Variants in PRRC2A observed in about 807,000 individuals in gnomAD.
PRRC2A encodes the protein protein PRRC2A.
In PRRC2A, 59 loss-of-function variants were observed where a neutral mutation model predicts 224.6. The observed-to-expected ratio is 0.26, with a 90% CI of 0.21 to 0.33. The LOEUF is 0.33. Ranked by LOEUF, PRRC2A falls within the 10% of genes least tolerant of loss-of-function variation. The probability of loss-of-function intolerance (pLI) is 1.00; values close to 1 mark genes in which losing one functional copy is unlikely to be tolerated. For synonymous variants in PRRC2A, 1,194 were observed against 1,109.5 expected (o/e 1.08, Z -1.51); for missense variants, 3,095 against 2,880.7 (o/e 1.07, Z -1.70).
chr6:31,634,885 T>G lies in PRRC2A; in HGVS notation c.5068T>G (p.Ser1690Ala). The change falls in exon 21 of 31, where the codon TCC (serine) becomes GCC (alanine). Residue 1690 changes from serine (S) to alanine (A), a missense_variant. Physicochemically the swap from Ser to Ala is moderately conservative, Grantham distance 99 (BLOSUM62 1). Around this residue, in one of 8 missense-constraint regions of PRRC2A, gnomAD observed 662 missense variants for 609.5 expected, o/e 1.09. Coordinates refer to ENST00000376033, the MANE Select transcript of PRRC2A (RefSeq NM_004638.4). ...AEGPPKRPGGSSPLNAVPCEG... is the reference protein window; with the variant it reads ...AEGPPKRPGGASPLNAVPCEG... ...GGGACCCCCCAAGAGGCCTGGAGGCTCCTCACCCCTGAATGCTGTTCCTTG... is the reference window on the plus strand; with the variant it reads ...GGGACCCCCCAAGAGGCCTGGAGGCGCCTCACCCCTGAATGCTGTTCCTTG... 1 of 1,612,938 alleles carries G rather than the reference T, an allele frequency of 6.2e-7. No homozygotes were observed. Among genetic ancestry groups the G allele is most frequent in the Non-Finnish European group, 8.5e-7 (1 of 1,179,996 alleles).
chr6:31,625,574 C>G lies in PRRC2A; in HGVS notation c.722C>G (p.Pro241Arg). The change falls in exon 7 of 31, where the codon CCC becomes CGC. Residue 241 changes from proline (P) to arginine (R), a missense_variant. Physicochemically the swap from Pro to Arg is moderately radical, Grantham distance 103 (BLOSUM62 -2). Coordinates refer to ENST00000376033, the MANE Select transcript of PRRC2A (RefSeq NM_004638.4). The surrounding 1 kb of genome is among the most constrained non-coding windows in gnomAD (Gnocchi z 4.1). ...PRGGLQPSGPPQFPPYRGMMP... is the reference protein window; with the variant it reads ...PRGGLQPSGPRQFPPYRGMMP... ...GGTGGGCTACAGCCTTCAGGCCCACCCCAGTTCCCTCCCTACCGCGGAATG... is the reference window on the plus strand; with the variant it reads ...GGTGGGCTACAGCCTTCAGGCCCACGCCAGTTCCCTCCCTACCGCGGAATG... 6.4e-7 allele frequency: 1 copy of G among 1,570,862 alleles called. No individual in the cohort carries two copies. The highest frequency in any genetic ancestry group is 8.6e-7 in the Non-Finnish European group (1 of 1,156,814).
In PRRC2A at chr6:31,631,818, G is replaced by C; in HGVS notation, c.3145G>C (p.Ala1049Pro). The change falls in exon 16 of 31, where the codon GCC (alanine) becomes CCC (proline). Residue 1049 changes from alanine to proline, a missense_variant. Physicochemically the swap from Ala to Pro is conservative, Grantham distance 27 (BLOSUM62 -1). Around this residue, in one of 8 missense-constraint regions of PRRC2A, gnomAD observed 2,001 missense variants for 1,764.9 expected, o/e 1.13. Transcript: ENST00000376033. The surrounding 1 kb of genome is among the most constrained non-coding windows in gnomAD (Gnocchi z 4.5). ...RGTYGGRGRG[A>P]RSREFRSYRE... ...GACCTATGGGGGACGAGGGCGGGGAGCCCGAAGCCGGGAATTCCGCAGTTA... is the reference window on the plus strand; with the variant it reads ...GACCTATGGGGGACGAGGGCGGGGACCCCGAAGCCGGGAATTCCGCAGTTA... 1 of 1,594,276 alleles carries C rather than the reference G, an allele frequency of 6.3e-7. No individual in the cohort carries two copies. Among genetic ancestry groups the C allele is most frequent in the Non-Finnish European group, 8.6e-7 (1 of 1,168,498 alleles).
chr6:31,621,419 C>T (rs1360994452), intron 1 of PRRC2A, among the ~76,000 whole-genome samples: 1 of 152,048 alleles, frequency 6.6e-6, no homozygotes. Context: ...TCCTGTTCCT[C>T]GTCTCCTTTC....
At chr6:31,623,428 C>T (rs975913181) in intron 2 of PRRC2A, among the ~76,000 whole-genome samples, 2 of 151,868 alleles carry the variant, frequency 1.3e-5, no homozygotes, top group East Asian at 3.9e-4. Context: ...CCACCACACC[C>T]GGCTAATTTT....
intron 3 of PRRC2A, 134 bp from the exon 4 acceptor site, chr6:31,624,127 G>T: frequency 2.7e-6 from 3 of 1,127,736 alleles, no homozygotes; most frequent in Admixed American, 4.6e-5. Flanking sequence ...AGCCTACAAA[G>T]GATGACAAAA....
rs1775771609 is a variant in PRRC2A, at chr6:31,625,251, G to C, written c.544G>C (p.Ala182Pro). ...GCAGGCGGCTGGCGACCAGGACAAG[G>C]CTGCCAAGGAAAGGGAGTCTGCCGA... is the stretch of plus-strand genomic sequence containing the variant. ...TLQAAGDQDKAAKERESAEQS... is the reference protein window; with the variant it reads ...TLQAAGDQDKPAKERESAEQS... Residue 182 changes from alanine (A) to proline (P), a missense_variant, in exon 6 of 31, where the codon GCT becomes CCT. Ala to Pro is a conservative substitution (Grantham distance 27, BLOSUM62 -1). Around this residue, in one of 8 missense-constraint regions of PRRC2A, gnomAD observed 287 missense variants for 275.3 expected, o/e 1.04. Coordinates refer to ENST00000376033, the MANE Select transcript of PRRC2A (RefSeq NM_004638.4). This position sits in a 1 kb window ranked among gnomAD's most constrained non-coding sequence, Gnocchi z 4.1. 6.2e-7 allele frequency: 1 copy of C among 1,613,230 alleles called. No homozygotes were observed. The highest frequency in any genetic ancestry group is 1.1e-5 in the South Asian group (1 of 91,084).
chr6:31,629,212 C>G lies in PRRC2A; in HGVS notation c.1834C>G (p.Pro612Ala). The G allele has an allele frequency of 6.2e-7, 1 of 1,614,176 alleles. No homozygotes were observed. Among genetic ancestry groups the G allele is most frequent in the Non-Finnish European group, 8.5e-7 (1 of 1,180,034 alleles). ...PEEVPPPTTP[P>A]VPKVEPKGDG... ...AGAGGTTCCTCCTCCTACCACACCCCCAGTTCCAAAGGTGGAACCCAAGGG... is the reference window on the plus strand; with the variant it reads ...AGAGGTTCCTCCTCCTACCACACCCGCAGTTCCAAAGGTGGAACCCAAGGG... The change falls in exon 13 of 31, where the codon CCA becomes GCA. Residue 612 changes from proline to alanine, a missense_variant. This residue lies in a region of PRRC2A where 2,001 missense variants were observed against 1,764.9 expected (regional missense o/e 1.13). Coordinates refer to ENST00000376033, the MANE Select transcript of PRRC2A (RefSeq NM_004638.4).
At position 31,628,223 on chromosome 6, in the gene PRRC2A, C is replaced by T; in HGVS notation, c.1749C>T (p.Ser583=). 6.8e-6 allele frequency: 11 copies of T among 1,610,958 alleles called. No individual in the cohort carries two copies. Among genetic ancestry groups the T allele is most frequent in the Non-Finnish European group, 9.3e-6 (11 of 1,179,500 alleles). Residue 583 remains serine (S), a synonymous_variant, in exon 12 of 31, where the codon AGC becomes AGT. Transcript: ENST00000376033. Reference sequence around the variant, plus strand: ...GTACCAGTAGCACCAGCAGTGGCAGCTTCGAAGCCAGCCCAGGTATGGAGA... The same window carrying T: ...GTACCAGTAGCACCAGCAGTGGCAGTTTCGAAGCCAGCCCAGGTATGGAGA... ...GGSTSSTSSG[S]FEASPVEPQL...
Position 31,632,329 on chromosome 6 carries a change from C to A in PRRC2A, c.3656C>A (p.Ser1219Tyr), listed in dbSNP as rs41273264. The change falls in exon 16 of 31, where the codon TCC (serine) becomes TAC (tyrosine). Residue 1219 changes from serine to tyrosine, a missense_variant. By Grantham distance (144) the Ser-to-Tyr change is moderately radical. Transcript: ENST00000376033. Reference protein sequence around the residue: ...LKEKLIPGPLSPVARGGSNGG... With the variant: ...LKEKLIPGPLYPVARGGSNGG... ...GAGAAGTTGATCCCAGGGCCTCTGT[C>A]CCCTGTGGCGCGCGGAGGCAGCAAT... 22,343 of 1,613,422 alleles carry A rather than the reference C, an allele frequency of 0.014. 245 individuals are homozygous for A. The highest frequency in any genetic ancestry group is 0.017 in the Non-Finnish European group (19,521 of 1,180,010).
chr6:31,635,263 T>A lies in PRRC2A; in HGVS notation c.5292T>A (p.Thr1764=). The stretch of plus-strand genomic sequence containing the variant: ...CTGGTCCCCCAGTCCAGTTTGGCAC[T>A]AGTGACAAGGTCTGTGTGGGCTGGA... ...HRPGPPVQFG[T]SDKDSDLRLV... The change falls in exon 22 of 31, where the codon ACT becomes ACA. Residue 1764 remains threonine (T), a synonymous_variant. Coordinates refer to ENST00000376033, the MANE Select transcript of PRRC2A (RefSeq NM_004638.4). 6.2e-7 allele frequency: 1 copy of A among 1,614,108 alleles called. No homozygotes were observed. The highest frequency in any genetic ancestry group is 2.2e-5 in the East Asian group (1 of 44,884).
intron 14 of PRRC2A, 122 bp from the exon 15 acceptor site, chr6:31,630,469 G>T: frequency 1.1e-6 from 1 of 917,290 alleles, no homozygotes. Context: ...GAGCAGGCAA[G>T]GCCCGGACCT....
Position 31,625,317 on chromosome 6 carries a change from G to C in PRRC2A, c.607+3G>C. On this transcript the variant is annotated splice_donor_region_variant and intron_variant, in intron 6 of 30. Coordinates refer to ENST00000376033, the MANE Select transcript of PRRC2A (RefSeq NM_004638.4). The surrounding 1 kb of genome is among the most constrained non-coding windows in gnomAD (Gnocchi z 4.1). ...CGGACCAAGCCTCCGCCCCCAAAGTGAGTGGCTGCCTTTTGGCCAAGACAT... is the reference window on the plus strand; with the variant it reads ...CGGACCAAGCCTCCGCCCCCAAAGTCAGTGGCTGCCTTTTGGCCAAGACAT... The C allele has an allele frequency of 6.2e-7, 1 of 1,613,960 alleles. No homozygotes were observed. Among genetic ancestry groups the C allele is most frequent in the Non-Finnish European group, 8.5e-7 (1 of 1,180,048 alleles).
Position 31,636,023 on chromosome 6 carries a change from T to A in PRRC2A, c.5598T>A (p.Pro1866=). ...ATCCAAACAGTGGAGGCTTCCGCCC[T>A]GGGACACCCTCACTGCACCCTTACA... ...QLHPNSGGFR[P]GTPSLHPYRS... The change falls in exon 25 of 31, where the codon CCT becomes CCA. Residue 1866 remains proline (P), a synonymous_variant. Transcript: ENST00000376033. This position sits in a 1 kb window ranked among gnomAD's most constrained non-coding sequence, Gnocchi z 4.3. The A allele has an allele frequency of 6.2e-7, 1 of 1,613,312 alleles. No individual in the cohort carries two copies. Among genetic ancestry groups the A allele is most frequent in the African/African-American group, 1.3e-5 (1 of 75,028 alleles).
intron 18 of PRRC2A, 119 bp from the exon 19 acceptor site, chr6:31,634,117 T>G (rs1443998408): frequency 1.3e-6 from 2 of 1,566,700 alleles, no homozygotes; most frequent in Non-Finnish European, 1.7e-6. Flanking sequence ...TCAGTATTAG[T>G]CTCCCATGTG....
In PRRC2A at chr6:31,636,609, G is replaced by A. The variant is rs1156598248; in HGVS notation, c.5934+1G>A. 37 of 1,597,876 alleles carry A rather than the reference G, an allele frequency of 2.3e-5. No homozygotes were observed. Among genetic ancestry groups the A allele is most frequent in the Non-Finnish European group, 3.1e-5 (36 of 1,171,392 alleles). On this transcript the variant is annotated splice_donor_variant, in intron 27 of 30. Transcript: ENST00000376033. LOFTEE classifies it high-confidence loss of function. The surrounding 1 kb of genome is among the most constrained non-coding windows in gnomAD (Gnocchi z 4.3). ...CCCTTCAGGGGCTCCTGCCCAGCAG[G>A]TATATTGTATCTTCACACTTCCCCT...
Position 31,636,800 on chromosome 6 carries a change from C to T in PRRC2A, c.6002C>T (p.Pro2001Leu), listed in dbSNP as rs145737320. The change falls in exon 28 of 31, where the codon CCT becomes CTT. Residue 2001 changes from proline to leucine, a missense_variant. Transcript: ENST00000376033. This position sits in a 1 kb window ranked among gnomAD's most constrained non-coding sequence, Gnocchi z 4.3. ...TTTGGCTCCCTGCCGCCAGCACCAC[C>T]TCCTGCCCCACCTCCCCTTTCTCTG... ...VNFGSLPPAP[P>L]PAPPPLSLLP... The T allele has an allele frequency of 5.3e-5, 85 of 1,609,316 alleles. No individual in the cohort carries two copies. The highest frequency in any genetic ancestry group is 4.9e-4 in the Middle Eastern group (3 of 6,084).
At chr6:31,621,257 C>T (rs534691068) in intron 1 of PRRC2A, among the ~76,000 whole-genome samples, 30 of 152,000 alleles carry the variant, frequency 2.0e-4, no homozygotes, top group Non-Finnish European at 3.5e-4. Context: ...GCTTTTCCTC[C>T]ATATTGGACC....
chr6:31,633,882 C>A lies in PRRC2A; in HGVS notation c.4612C>A (p.Pro1538Thr). ...SSDPHFEEPGPMVRGVGGTPR... is the reference protein window; with the variant it reads ...SSDPHFEEPGTMVRGVGGTPR... ...AGACCCCCACTTTGAGGAGCCGGGGCCAATGGTGAGAGGGGTGGGTGGGAC... is the reference window on the plus strand; with the variant it reads ...AGACCCCCACTTTGAGGAGCCGGGGACAATGGTGAGAGGGGTGGGTGGGAC... Residue 1538 changes from proline (P) to threonine (T), a missense_variant, in exon 18 of 31, where the codon CCA becomes ACA. Physicochemically the swap from Pro to Thr is conservative, Grantham distance 38 (BLOSUM62 -1). Coordinates refer to ENST00000376033, the MANE Select transcript of PRRC2A (RefSeq NM_004638.4). The A allele has an allele frequency of 1.9e-6, 3 of 1,580,178 alleles. No individual in the cohort carries two copies. Among genetic ancestry groups the A allele is most frequent in the Non-Finnish European group, 2.6e-6 (3 of 1,171,576 alleles).
At position 31,636,465 on chromosome 6, in the gene PRRC2A, A is replaced by G. The variant is rs1412937446; in HGVS notation, c.5836-45A>G. On this transcript the variant is annotated intron_variant, in intron 26 of 30. Coordinates refer to ENST00000376033, the MANE Select transcript of PRRC2A (RefSeq NM_004638.4). This position sits in a 1 kb window ranked among gnomAD's most constrained non-coding sequence, Gnocchi z 4.3. Reference sequence around the variant, plus strand: ...AGATATTGGGGGATAGGGTAGGGAGAATGATTTTGTGGGGGTTGATATATT... The same window carrying G: ...AGATATTGGGGGATAGGGTAGGGAGGATGATTTTGTGGGGGTTGATATATT... 2 of 1,609,294 alleles carry G rather than the reference A, an allele frequency of 1.2e-6. No individual in the cohort carries two copies. The highest frequency in any genetic ancestry group is 1.7e-6 in the Non-Finnish European group (2 of 1,177,346).
Sources: allele counts gnomAD v4.1 joint callset (sites outside exome capture counted in the v4.1 genomes callset), GRCh38; gene constraint gnomAD v4.1.1; regional missense constraint gnomAD v4.1.1; non-coding constraint Gnocchi (gnomAD v3.1); transcripts MANE v1.5; gene names NCBI Gene and HGNC (gene_info 2026-07-23, HGNC 2026-07-21).